Variants in STARD5 observed in about 807,000 individuals in gnomAD.
STARD5 encodes stAR-related lipid transfer protein 5.
Under a neutral mutation model 24.6 loss-of-function variants are expected in STARD5, and 26 were observed. The ratio of observed to expected loss-of-function variants is 1.06; its 90% CI spans 0.77 to 1.47. The LOEUF (loss-of-function observed/expected upper bound fraction) is 1.47. STARD5 is among the 40% of genes most tolerant of loss of function. The pLI, the probability that STARD5 is intolerant of heterozygous loss-of-function variation, is 0.00. For missense variants in STARD5, 254 were observed against 270.8 expected, an observed-to-expected ratio of 0.94 and a Z score of 0.44; for synonymous variants, 101 against 99.7, an observed-to-expected ratio of 1.01 and a Z score of -0.07.
chr15:81,319,508 C>T, intron 3 of STARD5, 52 bp from the exon 4 acceptor site: 1 of 1,481,252 alleles, frequency 6.8e-7, no homozygotes, highest in South Asian at 1.1e-5. Flanking sequence ...ACATCTTCTC[C>T]CAACTCCCAC....
chr15:81,322,714 G>C (rs1893314083), intron 2 of STARD5, 174 bp from the exon 3 acceptor site: 1 of 1,283,804 alleles, frequency 7.8e-7, no homozygotes, highest in South Asian at 1.4e-5. Flanking sequence ...CTGCAGAAAT[G>C]GACAGTAAGC....
chr15:81,314,483 A>C (rs903380797), intron 5 of STARD5, among the ~76,000 whole-genome samples: 1 of 152,214 alleles, frequency 6.6e-6, no homozygotes. Flanking sequence ...CTTGAATGCA[A>C]CTGTCCACTC....
chr15:81,312,127 G>T lies in STARD5; in HGVS notation c.*1129C>A, dbSNP rs1371949838. On this transcript the variant is annotated 3_prime_UTR_variant, in exon 6 of 6. Transcript: ENST00000302824. Reference sequence around the variant, plus strand: ...CGTGGTCTTTCTTACAAGGAAGGTGGTGGGGGTGCAGATGAGGTTGCTAGA... The same window carrying T: ...CGTGGTCTTTCTTACAAGGAAGGTGTTGGGGGTGCAGATGAGGTTGCTAGA... The T allele has an allele frequency of 6.6e-6, 1 of 152,286 alleles. No individual in the cohort carries two copies. Among genetic ancestry groups the T allele is most frequent in the African/African-American group, 2.4e-5 (1 of 41,466 alleles). The allele number at this position is 152,286 out of a possible 1,614,324, so 9.4% of individuals were successfully genotyped here.
chr15:81,319,586 C>A, intron 3 of STARD5, 130 bp from the exon 4 acceptor site: 2 of 776,762 alleles, frequency 2.6e-6, no homozygotes, highest in Admixed American at 4.0e-5. Context: ...CAGTTAAGAT[C>A]CAGAGCGAGT....
intron 4 of STARD5, among the ~76,000 whole-genome samples, chr15:81,318,846 A>G (rs1288452395): frequency 6.6e-6 from 1 of 152,238 alleles, no homozygotes; most frequent in Non-Finnish European, 1.5e-5. Flanking sequence ...AGGTTTGGTC[A>G]TGGGAGGAGG....
At chr15:81,319,777 T>C (rs1232973536) in intron 3 of STARD5, among the ~76,000 whole-genome samples, 1 of 152,242 alleles carries the variant, frequency 6.6e-6, no homozygotes, top group Non-Finnish European at 1.5e-5. Context: ...AGCTCTCAGC[T>C]GTCCCTTACC....
chr15:81,314,443 T>TA (rs1901028066), intron 5 of STARD5, among the ~76,000 whole-genome samples: 2 of 152,190 alleles, frequency 1.3e-5, no homozygotes, highest in Non-Finnish European at 2.9e-5. Context: ...AAAGGTGGTA[T>TA]AGGCTTTGTG....
intron 5 of STARD5, among the ~76,000 whole-genome samples, chr15:81,316,785 C>T (rs913158344): frequency 2.6e-5 from 4 of 152,178 alleles, no homozygotes; most frequent in African/African-American, 9.7e-5. Context: ...TGGAAGAAAG[C>T]TTTACAGAGA....
rs1368906570 is a variant in STARD5 at position 81,312,104 on chromosome 15, T to C, written c.*1152A>G. On this transcript the variant is annotated 3_prime_UTR_variant, in exon 6 of 6. Coordinates refer to ENST00000302824, the MANE Select transcript of STARD5 (RefSeq NM_181900.3). The stretch of plus-strand genomic sequence containing the variant: ...AGCGTGAAGGGATTTTAGTCACACG[T>C]GGTCTTTCTTACAAGGAAGGTGGTG... The C allele has an allele frequency of 6.6e-6, 1 of 152,258 alleles. No individual in the cohort carries two copies. The highest frequency in any genetic ancestry group is 1.5e-5 in the Non-Finnish European group (1 of 68,082). 9.4% of individuals were successfully genotyped at this position (152,258 alleles called of 1,614,324 possible).
chr15:81,320,236 C>T (rs1176317939), intron 3 of STARD5, among the ~76,000 whole-genome samples: 6 of 152,176 alleles, frequency 3.9e-5, no homozygotes, highest in Non-Finnish European at 5.9e-5. Flanking sequence ...AGGTCTCCAT[C>T]TCTGTGTCTT....
In STARD5 at chr15:81,313,379, GA is replaced by G; in HGVS notation, c.518del (p.Val173AlafsTer25). On this transcript the variant is annotated frameshift_variant, in exon 6 of 6. Transcript: ENST00000302824. LOFTEE classifies it high-confidence loss of function. ...CGCTGAGGTCGGTATGGAAGAATGTGACCAGGTTGGTCTTGGTGGGTTCCCT... is the reference window on the plus strand; with the variant it reads ...CGCTGAGGTCGGTATGGAAGAATGTGCCAGGTTGGTCTTGGTGGGTTCCCT... ...LPGEPTKTNL[V>X]TFFHTDLSGY... 1 of 1,569,600 alleles carries G rather than the reference GA, an allele frequency of 6.4e-7. No individual in the cohort carries two copies.
chr15:81,311,313 T>C lies in STARD5; in HGVS notation c.*1943A>G, dbSNP rs1475965896. On this transcript the variant is annotated 3_prime_UTR_variant, in exon 6 of 6. Transcript: ENST00000302824. ...TTTACTGATTCATACATTATCTCAC[T>C]TGTGCCAACACTCAAGAAGCAGGCT... 6.6e-6 allele frequency: 1 copy of C among 152,248 alleles called. No homozygotes were observed. The highest frequency in any genetic ancestry group is 1.9e-4 in the East Asian group (1 of 5,198). The allele number at this position is 152,248 out of a possible 1,614,324, so 9.4% of individuals were successfully genotyped here. A position where few individuals can be genotyped will look rare whatever the true frequency, so the allele number is the denominator to read the frequency against.
In STARD5 at chr15:81,313,061, G is replaced by A. The variant is rs996525471; in HGVS notation, c.*195C>T. The A allele has an allele frequency of 1.3e-5, 7 of 519,022 alleles. No individual in the cohort carries two copies. Among genetic ancestry groups the A allele is most frequent in the African/African-American group, 1.0e-4 (5 of 50,024 alleles). The allele number at this position is 519,022 out of a possible 1,614,324, so 32.2% of individuals were successfully genotyped here. A position where few individuals can be genotyped will look rare whatever the true frequency, so the allele number is the denominator to read the frequency against. On this transcript the variant is annotated 3_prime_UTR_variant, in exon 6 of 6. Coordinates refer to ENST00000302824, the MANE Select transcript of STARD5 (RefSeq NM_181900.3). ...GGAACACATGAATGGCTCATCACAC[G>A]CCAACCCTGAGTGGGGCAGGAGGCA...
chr15:81,310,716 T>C lies in STARD5; in HGVS notation c.*2540A>G, dbSNP rs1328322847. The C allele has an allele frequency of 1.3e-5, 2 of 152,130 alleles. No homozygotes were observed. Among genetic ancestry groups the C allele is most frequent in the African/African-American group, 4.8e-5 (2 of 41,388 alleles). 9.4% of individuals were successfully genotyped at this position (152,130 alleles called of 1,614,324 possible). ...CTTCCCTAAAATCAGGGAATTGTTT[T>C]AAGTCTTATCAAGCAGCCAAGGGAT... On this transcript the variant is annotated 3_prime_UTR_variant, in exon 6 of 6. Transcript: ENST00000302824.
intron 3 of STARD5, among the ~76,000 whole-genome samples, chr15:81,319,931 T>C (rs1344407404): frequency 2.6e-5 from 4 of 152,172 alleles, no homozygotes; most frequent in Admixed American, 1.3e-4. Context: ...CCACTCTTTT[T>C]TAGGGCTGAC....
intron 3 of STARD5, among the ~76,000 whole-genome samples, chr15:81,322,196 T>TCG (rs1893303114): frequency 6.6e-6 from 1 of 152,186 alleles, no homozygotes; most frequent in Non-Finnish European, 1.5e-5. Flanking sequence ...AGACTCTGTT[T>TCG]GGGGCTTCTC....
intron 5 of STARD5, among the ~76,000 whole-genome samples, chr15:81,314,710 AC>A (rs1901037324): frequency 6.6e-6 from 1 of 151,812 alleles, no homozygotes; most frequent in Admixed American, 6.6e-5. Flanking sequence ...ACAAGGGGAA[AC>A]CCCATCTCTA....
At chr15:81,318,259 GA>G (rs1901122896) in intron 5 of STARD5, 149 bp downstream of exon 5, 1 of 659,410 alleles carries the variant, frequency 1.5e-6, no homozygotes, top group Non-Finnish European at 2.7e-6. Flanking sequence ...AGATGTGTGT[GA>G]AAGTATTTTG....
intron 5 of STARD5, among the ~76,000 whole-genome samples, chr15:81,314,953 G>A (rs529151109): frequency 6.6e-6 from 1 of 151,608 alleles, no homozygotes; most frequent in African/African-American, 2.4e-5. Flanking sequence ...GGACAACTGG[G>A]GCATGGAACA....
Sources: gnomAD v4.1 joint callset for allele counts (sites outside exome capture counted in the v4.1 genomes callset) on GRCh38, gnomAD v4.1.1 for gene constraint, MANE v1.5 for transcripts, NCBI Gene and HGNC (gene_info 2026-07-23, HGNC 2026-07-21) for gene names.